The following AGBL4 variants were observed in gnomAD, a reference collection of about 807,000 sequenced individuals.
AGBL4 encodes the protein AGBL carboxypeptidase 4, also known as cytosolic carboxypeptidase 6.
In AGBL4, 58 loss-of-function variants were observed where a neutral mutation model predicts 66.4. That is an observed-to-expected ratio of 0.87 (90% confidence interval 0.71 to 1.09). AGBL4 has a LOEUF of 1.09. Among genes scored for constraint, AGBL4 ranks in the 50% least tolerant of loss-of-function variants. The pLI is 0.00. For missense variants in AGBL4, 579 were observed against 631.0 expected (o/e 0.92, Z 0.88); for synonymous variants, 234 against 222.9 (o/e 1.05, Z -0.44).
chr1:49,404,666 C>T (rs1452213976), intron 3 of AGBL4, among the ~76,000 whole-genome samples: 1 of 152,044 alleles, frequency 6.6e-6, no homozygotes, highest in Non-Finnish European at 1.5e-5. Flanking sequence ...GTTTAATTAA[C>T]TGAGTGTTTA....
chr1:49,309,925 G>T (rs1051913755), intron 3 of AGBL4, among the ~76,000 whole-genome samples: 1 of 152,086 alleles, frequency 6.6e-6, no homozygotes, highest in Admixed American at 6.6e-5. Context: ...AGAGGACACA[G>T]GGAATAAGTG....
intron 6 of AGBL4, among the ~76,000 whole-genome samples, chr1:48,848,304 A>G (rs1375029516): frequency 2.0e-5 from 3 of 152,136 alleles, no homozygotes; most frequent in African/African-American, 7.2e-5. Flanking sequence ...TCATTATCTC[A>G]TTGTTCTAAA....
At chr1:48,747,293 CACTTGAGGTT>C (rs1176055235) in intron 6 of AGBL4, among the ~76,000 whole-genome samples, 1 of 152,140 alleles carries the variant, frequency 6.6e-6, no homozygotes, top group African/African-American at 2.4e-5. Flanking sequence ...TATTGACACA[CACTTGAGGTT>C]TATTTTGGGG....
intron 3 of AGBL4, among the ~76,000 whole-genome samples, chr1:49,553,568 C>T (rs1391157800): frequency 6.6e-6 from 1 of 152,096 alleles, no homozygotes; most frequent in Non-Finnish European, 1.5e-5. Flanking sequence ...CCTCCAGGAC[C>T]TCACTGATAG....
intron 3 of AGBL4, among the ~76,000 whole-genome samples, chr1:49,348,645 C>T (rs1394826501): frequency 6.6e-6 from 1 of 152,036 alleles, no homozygotes; most frequent in Non-Finnish European, 1.5e-5. Flanking sequence ...TGCTTTTGGC[C>T]CAATTATATG....
chr1:49,196,609 A>G (rs1647266293), intron 4 of AGBL4, among the ~76,000 whole-genome samples: 1 of 152,054 alleles, frequency 6.6e-6, no homozygotes, highest in African/African-American at 2.4e-5. Context: ...TGATTTCTTC[A>G]TAACTGAAGA....
At chr1:49,354,146 G>C (rs1320986863) in intron 3 of AGBL4, among the ~76,000 whole-genome samples, 1 of 152,172 alleles carries the variant, frequency 6.6e-6, no homozygotes, top group Non-Finnish European at 1.5e-5. Context: ...TGGAGCTGGA[G>C]CCTAAAAGTG....
chr1:49,660,648 A>T (rs1467930726), intron 3 of AGBL4, among the ~76,000 whole-genome samples: 1 of 152,208 alleles, frequency 6.6e-6, no homozygotes, highest in Non-Finnish European at 1.5e-5. Flanking sequence ...AGATATATGC[A>T]CATGTATGTT....
chr1:49,214,308 A>G (rs1195835948), intron 4 of AGBL4, among the ~76,000 whole-genome samples: 3 of 152,260 alleles, frequency 2.0e-5, no homozygotes, highest in African/African-American at 4.8e-5. Flanking sequence ...CACGATGCAC[A>G]AAAATGGGGC....
intron 1 of AGBL4, among the ~76,000 whole-genome samples, chr1:49,906,727 A>C (rs1351175479): frequency 6.6e-6 from 1 of 152,074 alleles, no homozygotes. Flanking sequence ...TGTAAACTGC[A>C]TATGTAAGTA....
intron 4 of AGBL4, among the ~76,000 whole-genome samples, chr1:49,158,995 G>A (rs188553218): frequency 2.1e-3 from 319 of 149,166 alleles, no homozygotes; most frequent in Non-Finnish European, 3.5e-3. Flanking sequence ...ACAGCACACC[G>A]ATGGGTCTTG....
chr1:49,294,925 A>G (rs1644611255), intron 3 of AGBL4, among the ~76,000 whole-genome samples: 1 of 152,172 alleles, frequency 6.6e-6, no homozygotes, highest in African/African-American at 2.4e-5. Flanking sequence ...TCATCCTCCA[A>G]AATGGAACAT....
intron 4 of AGBL4, among the ~76,000 whole-genome samples, chr1:49,148,185 G>A (rs532279611): frequency 2.8e-4 from 43 of 152,092 alleles, no homozygotes; most frequent in Non-Finnish European, 3.4e-4. Context: ...CATGTTCCTC[G>A]AATACATTAG....
chr1:49,850,517 T>G (rs147713118), intron 2 of AGBL4, among the ~76,000 whole-genome samples: 1 of 152,256 alleles, frequency 6.6e-6, no homozygotes, highest in Non-Finnish European at 1.5e-5. Flanking sequence ...TTAACCCACT[T>G]CGTAGTACTT....
chr1:49,540,237 A>G (rs902648568), intron 3 of AGBL4, among the ~76,000 whole-genome samples: 1 of 152,190 alleles, frequency 6.6e-6, no homozygotes, highest in Non-Finnish European at 1.5e-5. Flanking sequence ...CTATGTTACA[A>G]TTAGCCAATC....
At chr1:50,022,810 G>A (rs931262213) in intron 1 of AGBL4, among the ~76,000 whole-genome samples, 24 of 151,946 alleles carry the variant, frequency 1.6e-4, no homozygotes, top group Admixed American at 3.9e-4. Context: ...ATGCCATCCC[G>A]TAACATCCAG....
chr1:48,605,666 CT>C (rs1436914011), intron 9 of AGBL4, among the ~76,000 whole-genome samples: 2 of 152,226 alleles, frequency 1.3e-5, no homozygotes, highest in Non-Finnish European at 2.9e-5. Context: ...GGTCCAACAT[CT>C]AGCGCAGTGT....
At chr1:48,838,214 A>G (rs565980915) in intron 6 of AGBL4, among the ~76,000 whole-genome samples, 4 of 152,290 alleles carry the variant, frequency 2.6e-5, no homozygotes, top group South Asian at 2.1e-4. Flanking sequence ...TGGAACCACA[A>G]AAGACCCAGA....
chr1:49,393,014 C>G (rs1169906934), intron 3 of AGBL4, among the ~76,000 whole-genome samples: 1 of 152,032 alleles, frequency 6.6e-6, no homozygotes, highest in African/African-American at 2.4e-5. Context: ...TGACTTTAGG[C>G]AAGATTTTTA....
Sources: allele counts gnomAD v4.1 joint callset (sites outside exome capture counted in the v4.1 genomes callset), GRCh38; gene constraint gnomAD v4.1.1; transcripts MANE v1.5; gene names NCBI Gene and HGNC (gene_info 2026-07-23, HGNC 2026-07-21).